The following IL1RAPL1 variants were observed in gnomAD, a reference collection of about 807,000 sequenced individuals.
IL1RAPL1 encodes interleukin 1 receptor accessory protein like 1, also known as interleukin-1 receptor accessory protein-like 1.
A neutral mutation model predicts 48.4 loss-of-function variants in IL1RAPL1; 3 were observed. The observed-to-expected ratio is 0.06, with a 90% CI of 0.03 to 0.16. IL1RAPL1 has a LOEUF of 0.16. Among genes scored for constraint, IL1RAPL1 ranks in the 10% least tolerant of loss-of-function variants. The probability of loss-of-function intolerance (pLI) is 1.00; values close to 1 mark genes in which losing one functional copy is unlikely to be tolerated. For synonymous variants in IL1RAPL1, 185 were observed against 187.7 expected (o/e 0.99, Z 0.12); for missense variants, 349 against 530.6 (o/e 0.66, Z 3.36).
chrX:29,918,388 C>G (rs1306599344), intron 7 of IL1RAPL1, among the ~76,000 whole-genome samples: 1 of 101,520 alleles, frequency 9.9e-6, no homozygotes, highest in Non-Finnish European at 2.0e-5. Flanking sequence ...GCCTGTAGTC[C>G]CAGCTACTCG....
intron 2 of IL1RAPL1, among the ~76,000 whole-genome samples, chrX:29,026,370 G>A (rs1602017929): frequency 1.8e-5 from 2 of 111,643 alleles, no homozygotes; most frequent in South Asian, 7.5e-4. Flanking sequence ...TTGCAGTAGT[G>A]CAATTTTAAT....
At chrX:29,009,322 C>G (rs1321625949) in intron 2 of IL1RAPL1, among the ~76,000 whole-genome samples, 2 of 111,498 alleles carry the variant, frequency 1.8e-5, no homozygotes, top group African/African-American at 3.3e-5. Flanking sequence ...ATGTAACAAA[C>G]CTGCACATGT....
intron 2 of IL1RAPL1, among the ~76,000 whole-genome samples, chrX:29,069,394 T>G: frequency 9.0e-6 from 1 of 111,239 alleles, no homozygotes; most frequent in Middle Eastern, 4.6e-3. Flanking sequence ...TGTCATAAAG[T>G]GAGTTATTTT....
intron 5 of IL1RAPL1, among the ~76,000 whole-genome samples, chrX:29,548,593 TA>T (rs2147786603): frequency 8.9e-6 from 1 of 112,295 alleles, no homozygotes; most frequent in Admixed American, 9.5e-5. Flanking sequence ...AAAGGTTTTT[TA>T]TGAAATATAT....
chrX:29,809,538 C>A (rs779223391), intron 6 of IL1RAPL1, among the ~76,000 whole-genome samples: 11 of 111,521 alleles, frequency 9.9e-5, no homozygotes, highest in Non-Finnish European at 1.9e-4. Context: ...ACGTAGGAGA[C>A]TTTATTCCTG....
intron 6 of IL1RAPL1, among the ~76,000 whole-genome samples, chrX:29,894,693 A>C (rs1174283670): frequency 8.9e-6 from 1 of 112,194 alleles, no homozygotes; most frequent in Non-Finnish European, 1.9e-5. Flanking sequence ...TTCTAGTATC[A>C]TATTTTAACC....
chrX:28,751,131 T>G (rs993920662), intron 1 of IL1RAPL1, among the ~76,000 whole-genome samples: 1 of 111,901 alleles, frequency 8.9e-6, no homozygotes, highest in Non-Finnish European at 1.9e-5. Context: ...TTTACCTACT[T>G]AATCTTTTTT....
chrX:29,466,428 A>C (rs1256788675), intron 5 of IL1RAPL1, among the ~76,000 whole-genome samples: 1 of 112,320 alleles, frequency 8.9e-6, no homozygotes, highest in Non-Finnish European at 1.9e-5. Context: ...CTGTCCCATC[A>C]GTGTTAAATC....
chrX:29,196,947 A>C (rs1930455322), intron 2 of IL1RAPL1, among the ~76,000 whole-genome samples: 1 of 110,466 alleles, frequency 9.1e-6, no homozygotes, highest in Non-Finnish European at 1.9e-5. Context: ...TCCTAATCAT[A>C]GGAGCTGGCT....
chrX:29,167,057 T>G (rs962681662), intron 2 of IL1RAPL1, among the ~76,000 whole-genome samples: 1 of 111,937 alleles, frequency 8.9e-6, no homozygotes, highest in South Asian at 3.7e-4. Context: ...TTTATTGATT[T>G]TGTTGAATTT....
At chrX:28,644,975 G>T (rs1459407542) in intron 1 of IL1RAPL1, among the ~76,000 whole-genome samples, 1 of 111,020 alleles carries the variant, frequency 9.0e-6, no homozygotes, top group African/African-American at 3.3e-5. Context: ...ACAAGAAGGG[G>T]CTATTATGAG....
At chrX:29,552,307 ATT>A (rs1229891886) in intron 5 of IL1RAPL1, among the ~76,000 whole-genome samples, 6 of 111,030 alleles carry the variant, frequency 5.4e-5, no homozygotes. Context: ...TTGTCAGTTA[ATT>A]TTCAGCAAAC....
At chrX:28,680,886 CT>C (rs1935052603) in intron 1 of IL1RAPL1, among the ~76,000 whole-genome samples, 1 of 111,287 alleles carries the variant, frequency 9.0e-6, no homozygotes, top group African/African-American at 3.3e-5. Flanking sequence ...TTTGCATTGT[CT>C]GTAGTTTTCT....
At chrX:29,415,708 C>T (rs989059304) in intron 5 of IL1RAPL1, among the ~76,000 whole-genome samples, 19 of 112,088 alleles carry the variant, frequency 1.7e-4, no homozygotes, top group Admixed American at 7.5e-4. Flanking sequence ...CGTGAACCAC[C>T]GCGCCCAGCC....
At chrX:28,836,768 T>C (rs962616934) in intron 2 of IL1RAPL1, among the ~76,000 whole-genome samples, 3 of 109,809 alleles carry the variant, frequency 2.7e-5, no homozygotes, top group African/African-American at 6.6e-5. Context: ...GTCATCATCA[T>C]CACCACCACC....
chrX:29,466,967 C>G (rs1488481030), intron 5 of IL1RAPL1, among the ~76,000 whole-genome samples: 1 of 110,965 alleles, frequency 9.0e-6, no homozygotes, highest in African/African-American at 3.3e-5. Flanking sequence ...AATTCTGAAA[C>G]CCTACCCCAA....
At chrX:29,888,127 T>C (rs1932203101) in intron 6 of IL1RAPL1, among the ~76,000 whole-genome samples, 3 of 108,271 alleles carry the variant, frequency 2.8e-5, no homozygotes. Flanking sequence ...TTACAGAAGT[T>C]AGGATTTTTT....
chrX:29,703,142 G>A (rs138764498), intron 6 of IL1RAPL1, among the ~76,000 whole-genome samples: 64 of 110,893 alleles, frequency 5.8e-4, no homozygotes, highest in African/African-American at 2.1e-3. Flanking sequence ...TAATAATAAT[G>A]TGCAAACTCT....
intron 2 of IL1RAPL1, among the ~76,000 whole-genome samples, chrX:29,174,084 C>T (rs1433155957): frequency 2.7e-5 from 3 of 110,366 alleles, no homozygotes; most frequent in Non-Finnish European, 5.7e-5. Context: ...GCCACCATGC[C>T]CTGCGAATTT....
Sources: allele counts gnomAD v4.1 joint callset (sites outside exome capture counted in the v4.1 genomes callset), GRCh38; gene constraint gnomAD v4.1.1; transcripts MANE v1.5; gene names NCBI Gene and HGNC (gene_info 2026-07-23, HGNC 2026-07-21).